The following SYT3 variants were observed in gnomAD, a reference collection of about 807,000 sequenced individuals.
SYT3 encodes the protein synaptotagmin 3.
Under a neutral mutation model 50.6 loss-of-function variants are expected in SYT3, and 25 were observed. The observed-to-expected ratio is 0.49, with a 90% CI of 0.36 to 0.69. SYT3 has a LOEUF of 0.69. Among genes scored for constraint, SYT3 ranks in the 30% least tolerant of loss-of-function variants. The pLI, the probability that SYT3 is intolerant of heterozygous loss-of-function variation, is 0.00. For missense variants in SYT3, 589 were observed against 793.6 expected (o/e 0.74, Z 3.10); for synonymous variants, 323 against 353.9 (o/e 0.91, Z 0.98).
At chr19:50,643,487 C>T (rs576814655), upstream of SYT3, among the ~76,000 whole-genome samples, 4 of 151,948 alleles carry the variant, frequency 2.6e-5, no homozygotes, top group East Asian at 3.9e-4. Flanking sequence ...AAACAAAAAA[C>T]GGAGTGGATC....
rs1568760343 is a variant in SYT3, at chr19:50,625,324, AG to A, written c.1575-31del. On this transcript the variant is annotated intron_variant, in intron 8 of 10. Transcript: ENST00000600079. This position sits in a 1 kb window ranked among gnomAD's most constrained non-coding sequence, Gnocchi z 7.5. ...GGGTTGGGGTCAGTGAGGACCGTGGAGGGTGGTGGGAGGGCCTGTCCCCACC... is the reference window on the plus strand; with the variant it reads ...GGGTTGGGGTCAGTGAGGACCGTGGAGGTGGTGGGAGGGCCTGTCCCCACC... 2.0e-6 allele frequency: 3 copies of A among 1,533,350 alleles called. No homozygotes were observed. The highest frequency in any genetic ancestry group is 1.8e-6 in the Non-Finnish European group (2 of 1,141,170). 95.0% of individuals were successfully genotyped at this position (1,533,350 alleles called of 1,614,324 possible).
the SYT3 span, chr19:50,656,213 G>A: frequency 2.1e-5 from 32 of 1,535,892 alleles, no homozygotes; most frequent in African/African-American, 1.2e-4. Flanking sequence ...CTGCCTGTTC[G>A]CTCTCTCCCT....
the SYT3 span, among the ~76,000 whole-genome samples, chr19:50,653,162 G>A: frequency 2.0e-5 from 3 of 151,858 alleles, no homozygotes; most frequent in Non-Finnish European, 1.5e-5. Context: ...CTCAGCCTCC[G>A]GAGTACCTAA....
Position 50,629,809 on chromosome 19 carries a change from T to A in SYT3, c.1037A>T (p.Asp346Val). ...DPYVKIYLLPDRKKKFQTKVH... is the reference protein window; with the variant it reads ...DPYVKIYLLPVRKKKFQTKVH... ...CTTGGTCTGAAACTTTTTCTTGCGGTCAGGCAGCAGGTAGATCTTGACGTA... is the reference window on the plus strand; with the variant it reads ...CTTGGTCTGAAACTTTTTCTTGCGGACAGGCAGCAGGTAGATCTTGACGTA... The change falls in exon 5 of 11, where the codon GAC (aspartate) becomes GTC (valine). Residue 346 changes from aspartate to valine, a missense_variant. By Grantham distance (152) the Asp-to-Val change is radical (BLOSUM62 -3). Around this residue, in one of 2 missense-constraint regions of SYT3, gnomAD observed 273 missense variants for 439.3 expected, o/e 0.62. Coordinates refer to ENST00000600079, the MANE Select transcript of SYT3 (RefSeq NM_001160329.2). 6.2e-7 allele frequency: 1 copy of A among 1,613,300 alleles called. No homozygotes were observed. The highest frequency in any genetic ancestry group is 8.5e-7 in the Non-Finnish European group (1 of 1,179,556).
rs367944310 is a variant in SYT3 at position 50,626,503 on chromosome 19, A to G, written c.1282-486T>C. 6.1e-3 allele frequency among the ~76,000 whole-genome samples: 126 copies of G among 20,734 alleles called. 2 individuals are homozygous for G. The highest frequency in any genetic ancestry group is 9.0e-3 in the Non-Finnish European group (45 of 5,022). The allele number at this position is 20,734 out of a possible 152,430, so 13.6% of individuals were successfully genotyped here. A position where few individuals can be genotyped will look rare whatever the true frequency, so the allele number is the denominator to read the frequency against. On this transcript the variant is annotated intron_variant, in intron 6 of 10. Transcript: ENST00000600079. ...GAGGGGGACAGAGGCCCAGAGAGAGAGGGGGGGGGACAGAGACCCAGAGAG... is the reference window on the plus strand; with the variant it reads ...GAGGGGGACAGAGGCCCAGAGAGAGGGGGGGGGGGACAGAGACCCAGAGAG...
Position 50,629,820 on chromosome 19 carries a change from G to T in SYT3, c.1026C>A (p.Tyr342Ter). The change falls in exon 5 of 11, where the codon TAC (tyrosine) becomes TAA (stop). Residue 342 changes from tyrosine to a stop codon, truncating the protein, a stop_gained. Transcript: ENST00000600079. LOFTEE classifies it high-confidence loss of function. Reference sequence around the variant, plus strand: ...ACTTTTTCTTGCGGTCAGGCAGCAGGTAGATCTTGACGTAGGGGTCTGAGA... The same window carrying T: ...ACTTTTTCTTGCGGTCAGGCAGCAGTTAGATCTTGACGTAGGGGTCTGAGA... ...NGFSDPYVKI[Y>*]LLPDRKKKFQ... The T allele has an allele frequency of 6.2e-7, 1 of 1,613,978 alleles. No individual in the cohort carries two copies. Among genetic ancestry groups the T allele is most frequent in the Non-Finnish European group, 8.5e-7 (1 of 1,179,890 alleles).
chr19:50,625,399 T>C lies in SYT3; in HGVS notation c.1568A>G (p.Tyr523Cys). The change falls in exon 8 of 11, where the codon TAC (tyrosine) becomes TGC (cysteine). Residue 523 changes from tyrosine (Y) to cysteine (C), a missense_variant. Around this residue, in one of 2 missense-constraint regions of SYT3, gnomAD observed 273 missense variants for 439.3 expected, o/e 0.62. Transcript: ENST00000600079. This position sits in a 1 kb window ranked among gnomAD's most constrained non-coding sequence, Gnocchi z 7.5. Reference sequence around the variant, plus strand: ...CCCGGGCCGCGCCCCTCACCAGTCGTAGTCTACCACGGCGATGCTGAGCCC... The same window carrying C: ...CCCGGGCCGCGCCCCTCACCAGTCGCAGTCTACCACGGCGATGCTGAGCCC... ...NVGLSIAVVD[Y>C]DCIGHNEVIG... 6.5e-7 allele frequency: 1 copy of C among 1,548,866 alleles called. No individual in the cohort carries two copies. The highest frequency in any genetic ancestry group is 2.4e-5 in the East Asian group (1 of 40,822).
At chr19:50,634,572 CTTTTTTTTTTTTTT>C (rs3028785) in intron 3 of SYT3, among the ~76,000 whole-genome samples, 3 of 74,218 alleles carry the variant, frequency 4.0e-5, no homozygotes, top group East Asian at 6.0e-4. Flanking sequence ...TCTTGGGGTG[CTTTTTTTTTTTTTT>C]TTTTTTTTTT....
At position 50,632,839 on chromosome 19, in the gene SYT3, G is replaced by T; in HGVS notation, c.149-28C>A. Reference sequence around the variant, plus strand: ...GGAGAGAACGAGGACAGAGGTAGGGGTCAGGATGGGGTCACAGTACATCCT... The same window carrying T: ...GGAGAGAACGAGGACAGAGGTAGGGTTCAGGATGGGGTCACAGTACATCCT... On this transcript the variant is annotated intron_variant, in intron 3 of 10. Transcript: ENST00000600079. The surrounding 1 kb of genome is among the most constrained non-coding windows in gnomAD (Gnocchi z 4.7). The T allele has an allele frequency of 6.8e-7, 1 of 1,479,918 alleles. No individual in the cohort carries two copies. Among genetic ancestry groups the T allele is most frequent in the Non-Finnish European group, 8.9e-7 (1 of 1,118,112 alleles). The allele number at this position is 1,479,918 out of a possible 1,614,324, so 91.7% of individuals were successfully genotyped here. A position where few individuals can be genotyped will look rare whatever the true frequency, so the allele number is the denominator to read the frequency against.
chr19:50,629,704 C>T (rs1479985130), intron 5 of SYT3, 80 bp downstream of exon 5: 7 of 1,359,106 alleles, frequency 5.2e-6, no homozygotes, highest in Non-Finnish European at 6.0e-6. Context: ...GGCCCCCAGC[C>T]CCTCCTCCCT....
At chr19:50,643,784 C>A (rs1451604049), upstream of SYT3, among the ~76,000 whole-genome samples, 3 of 151,880 alleles carry the variant, frequency 2.0e-5, no homozygotes. Context: ...AGCTCATGGT[C>A]TAGTGGAAGA....
At position 50,630,023 on chromosome 19, in the gene SYT3, A is replaced by G; in HGVS notation, c.823T>C (p.Tyr275His). ...CGGCCACCAGGGCCAGTCCCCTGGT[A>G]CAGCTCTGGCTTAATCTGCCCAATG... ...KLIGQIKPELYQGTGPGGRRS... is the reference protein window; with the variant it reads ...KLIGQIKPELHQGTGPGGRRS... Residue 275 changes from tyrosine to histidine, a missense_variant, in exon 5 of 11, where the codon TAC becomes CAC. Tyr to His is a moderately conservative substitution (Grantham distance 83, BLOSUM62 2). Around this residue, in one of 2 missense-constraint regions of SYT3, gnomAD observed 273 missense variants for 439.3 expected, o/e 0.62. Transcript: ENST00000600079. 2 of 1,614,004 alleles carry G rather than the reference A, an allele frequency of 1.2e-6. No homozygotes were observed. The highest frequency in any genetic ancestry group is 1.7e-6 in the Non-Finnish European group (2 of 1,179,962).
intron 9 of SYT3, among the ~76,000 whole-genome samples, chr19:50,623,354 C>T (rs926491309): frequency 1.2e-4 from 18 of 152,006 alleles, no homozygotes; most frequent in Admixed American, 2.6e-4. Flanking sequence ...GCCCAGGTGT[C>T]GGGTCCCTCA....
chr19:50,631,576 T>C (rs2123011797), intron 4 of SYT3, among the ~76,000 whole-genome samples: 1 of 152,274 alleles, frequency 6.6e-6, no homozygotes, highest in East Asian at 1.9e-4. Context: ...CTCGTTCTCC[T>C]CTTGTCTTTG....
At chr19:50,650,683 A>G in the SYT3 span, among the ~76,000 whole-genome samples, 3 of 151,924 alleles carry the variant, frequency 2.0e-5, no homozygotes, top group African/African-American at 7.3e-5. Context: ...AAAACAAAAC[A>G]AACAAACAAA....
At chr19:50,635,978 C>T (rs191007341) in intron 3 of SYT3, among the ~76,000 whole-genome samples, 4 of 152,212 alleles carry the variant, frequency 2.6e-5, no homozygotes, top group Admixed American at 6.5e-5. Context: ...TCCAGCCAGG[C>T]GTGGTGGCTC....
At chr19:50,655,696 T>C in the SYT3 span, among the ~76,000 whole-genome samples, 1 of 151,352 alleles carries the variant, frequency 6.6e-6, no homozygotes, top group African/African-American at 2.4e-5. Flanking sequence ...GTGTTGTTAC[T>C]GAAGTGATGC....
At chr19:50,627,644 T>C (rs1208077179) in intron 6 of SYT3, among the ~76,000 whole-genome samples, 2 of 151,100 alleles carry the variant, frequency 1.3e-5, no homozygotes, top group Non-Finnish European at 2.9e-5. Context: ...TCACAATCAC[T>C]TGAACCCGGG....
rs1374895983 is a variant in SYT3 at position 50,637,176 on chromosome 19, C to A, written c.148+88G>T. 1.2e-5 allele frequency: 18 copies of A among 1,509,410 alleles called. No individual in the cohort carries two copies. Among genetic ancestry groups the A allele is most frequent in the Non-Finnish European group, 1.4e-5 (16 of 1,105,424 alleles). 93.5% of individuals were successfully genotyped at this position (1,509,410 alleles called of 1,614,324 possible). A position where few individuals can be genotyped will look rare whatever the true frequency, so the allele number is the denominator to read the frequency against. ...AAGACGCTACGAGGGACTGACCCCA[C>A]AAGCAATGGAAAGCTGAGCAGTTCT... On this transcript the variant is annotated intron_variant, in intron 3 of 10. Coordinates refer to ENST00000600079, the MANE Select transcript of SYT3 (RefSeq NM_001160329.2). The surrounding 1 kb of genome is among the most constrained non-coding windows in gnomAD (Gnocchi z 4.9).
Sources: allele counts gnomAD v4.1 joint callset (sites outside exome capture counted in the v4.1 genomes callset), GRCh38; gene constraint gnomAD v4.1.1; regional missense constraint gnomAD v4.1.1; non-coding constraint Gnocchi (gnomAD v3.1); transcripts MANE v1.5; gene names NCBI Gene and HGNC (gene_info 2026-07-23, HGNC 2026-07-21).